The following WDR47 variants were observed in gnomAD, a reference collection of about 807,000 sequenced individuals.
WDR47 encodes WD repeat-containing protein 47.
Under a neutral mutation model 97.2 loss-of-function variants are expected in WDR47, and 32 were observed. The observed-to-expected ratio is 0.33, with a 90% CI of 0.25 to 0.44. WDR47 has a LOEUF of 0.44. WDR47 is among the 20% of genes least tolerant of loss of function. The probability of loss-of-function intolerance (pLI) is 1.00; values close to 1 mark genes in which losing one functional copy is unlikely to be tolerated. For synonymous variants in WDR47, 375 were observed against 373.5 expected, an observed-to-expected ratio of 1.00 and a Z score of -0.05; for missense variants, 782 against 1,102.3, an observed-to-expected ratio of 0.71 and a Z score of 4.11.
chr1:108,985,529 A>G (rs1032442445), intron 10 of WDR47, among the ~76,000 whole-genome samples: 1 of 152,194 alleles, frequency 6.6e-6, no homozygotes, highest in Non-Finnish European at 1.5e-5. Flanking sequence ...GTTCATTTGC[A>G]TTATATCCAT....
intron 14 of WDR47, among the ~76,000 whole-genome samples, chr1:108,972,241 T>A (rs1657503434): frequency 6.6e-6 from 1 of 151,976 alleles, no homozygotes; most frequent in African/African-American, 2.4e-5. Flanking sequence ...TCAAAGCTGA[T>A]CCAAACAAAA....
At chr1:108,973,809 G>A (rs548595020) in intron 14 of WDR47, among the ~76,000 whole-genome samples, 3 of 152,124 alleles carry the variant, frequency 2.0e-5, no homozygotes, top group African/African-American at 7.2e-5. Flanking sequence ...CTTGAACCCA[G>A]GAGGTCAAGG....
chr1:108,995,264 C>T (rs1466587786), intron 8 of WDR47, among the ~76,000 whole-genome samples: 27 of 152,006 alleles, frequency 1.8e-4, no homozygotes, highest in Non-Finnish European at 7.4e-5. Context: ...TTCAAAGATG[C>T]CAACTGAAGA....
intron 2 of WDR47, among the ~76,000 whole-genome samples, chr1:109,018,059 A>G (rs1661547426): frequency 6.6e-6 from 1 of 151,910 alleles, no homozygotes; most frequent in African/African-American, 2.4e-5. Context: ...TAAATTTTTC[A>G]TAACTTATTT....
At chr1:108,973,059 G>A (rs552704268) in intron 14 of WDR47, among the ~76,000 whole-genome samples, 2 of 151,690 alleles carry the variant, frequency 1.3e-5, no homozygotes, top group East Asian at 1.9e-4. Context: ...TGTCATGAAC[G>A]TGCTAAGCTG....
intron 5 of WDR47, among the ~76,000 whole-genome samples, chr1:109,006,394 A>C (rs1660626529): frequency 6.6e-6 from 1 of 152,182 alleles, no homozygotes; most frequent in Non-Finnish European, 1.5e-5. Context: ...ACTCCGTTTC[A>C]AAAACAAAAG....
intron 1 of WDR47, 77 bp from the exon 2 acceptor site, chr1:109,023,598 T>C: frequency 7.0e-7 from 1 of 1,421,360 alleles, no homozygotes; most frequent in South Asian, 1.4e-5. Flanking sequence ...CAACTACACA[T>C]AACAGGTTTA....
chr1:109,008,962 G>A (rs1660836508), intron 5 of WDR47, among the ~76,000 whole-genome samples: 1 of 151,818 alleles, frequency 6.6e-6, no homozygotes, highest in Non-Finnish European at 1.5e-5. Flanking sequence ...GCGCACGCCT[G>A]TAATCCCAGC....
At chr1:109,013,127 A>T (rs1304677838) in intron 4 of WDR47, among the ~76,000 whole-genome samples, 1 of 152,158 alleles carries the variant, frequency 6.6e-6, no homozygotes, top group Non-Finnish European at 1.5e-5. Flanking sequence ...TAACCAGCTG[A>T]AAACACAGCT....
intron 1 of WDR47, among the ~76,000 whole-genome samples, chr1:109,025,494 G>C (rs1225352744): frequency 6.6e-6 from 1 of 151,132 alleles, no homozygotes; most frequent in Non-Finnish European, 1.5e-5. Flanking sequence ...CCAGCACTTT[G>C]GGAGGCTGAG....
intron 3 of WDR47, among the ~76,000 whole-genome samples, chr1:109,015,121 G>A (rs1661320723): frequency 6.6e-6 from 1 of 152,084 alleles, no homozygotes; most frequent in Admixed American, 6.6e-5. Flanking sequence ...AGATGGTGAA[G>A]GGATTAATAT....
chr1:109,004,685 G>A lies in WDR47; in HGVS notation c.1161C>T (p.Ile387=), dbSNP rs371414734. 4.9e-5 allele frequency: 79 copies of A among 1,612,920 alleles called. No homozygotes were observed. Among genetic ancestry groups the A allele is most frequent in the Admixed American group, 1.2e-4 (7 of 59,892 alleles). Residue 387 remains isoleucine (I), a synonymous_variant, in exon 6 of 15, where the codon ATC becomes ATT. Coordinates refer to ENST00000369962, the MANE Select transcript of WDR47 (RefSeq NM_001142551.2). Reference sequence around the variant, plus strand: ...AACTCTGGCCCAAGATTTCACTGCCGATAGGCCTCTGTGCATCAACAGGTG... The same window carrying A: ...AACTCTGGCCCAAGATTTCACTGCCAATAGGCCTCTGTGCATCAACAGGTG... ...RDTPVDAQRP[I]GSEILGQSSV...
At chr1:109,040,018 AGAGT>A (rs1314252983) in intron 1 of WDR47, among the ~76,000 whole-genome samples, 6 of 146,274 alleles carry the variant, frequency 4.1e-5, no homozygotes, top group Admixed American at 2.1e-4. Context: ...CCTGGATGAC[AGAGT>A]GAGACTCCGT....
chr1:108,986,435 A>G, intron 10 of WDR47, 88 bp downstream of exon 10: 2 of 1,158,580 alleles, frequency 1.7e-6, no homozygotes, highest in Non-Finnish European at 2.3e-6. Flanking sequence ...GATTTGAAAC[A>G]CTACTGAATG....
chr1:109,017,189 C>G (rs1661479585), intron 3 of WDR47, among the ~76,000 whole-genome samples: 1 of 152,038 alleles, frequency 6.6e-6, no homozygotes, highest in Admixed American at 6.6e-5. Flanking sequence ...TTAAAATAAT[C>G]CAAATGAACA....
chr1:108,996,213 A>G (rs1313222199), intron 7 of WDR47, among the ~76,000 whole-genome samples: 1 of 152,050 alleles, frequency 6.6e-6, no homozygotes, highest in Admixed American at 6.6e-5. Context: ...TACCATCATG[A>G]CCAGCTAACT....
At chr1:109,005,274 T>A (rs1486616856) in intron 5 of WDR47, among the ~76,000 whole-genome samples, 3 of 151,974 alleles carry the variant, frequency 2.0e-5, no homozygotes, top group Non-Finnish European at 4.4e-5. Flanking sequence ...ATTATTTGGG[T>A]GTGGTGGGGC....
chr1:109,031,430 A>G (rs1361770738), intron 1 of WDR47, among the ~76,000 whole-genome samples: 2 of 139,920 alleles, frequency 1.4e-5, no homozygotes, highest in Admixed American at 1.5e-4. Flanking sequence ...AATTGGTGAT[A>G]CTGGTTGTAT....
At position 108,971,619 on chromosome 1, in the gene WDR47, G is replaced by A. The variant is rs143379402; in HGVS notation, c.2618-47C>T. 1,531 of 1,594,884 alleles carry A rather than the reference G, an allele frequency of 9.6e-4. 9 individuals are homozygous for A. In the African/African-American group the frequency reaches 0.018, roughly 18 times the overall value. On this transcript the variant is annotated intron_variant, in intron 14 of 14. Transcript: ENST00000369962. ...GATTTACAATGCAAAATAAGTATAT[G>A]TATAGATTGTATAGACTTCCTGTTA...
Sources: allele counts gnomAD v4.1 joint callset (sites outside exome capture counted in the v4.1 genomes callset), GRCh38; gene constraint gnomAD v4.1.1; transcripts MANE v1.5; gene names NCBI Gene and HGNC (gene_info 2026-07-23, HGNC 2026-07-21).